Variants in DSCAM observed in about 807,000 individuals in gnomAD.
DSCAM encodes cell adhesion molecule DSCAM.
A neutral mutation model predicts 217.7 loss-of-function variants in DSCAM; 47 were observed. The observed-to-expected ratio is 0.22, with a 90% CI of 0.17 to 0.28. The LOEUF (loss-of-function observed/expected upper bound fraction) is 0.28. Ranked by LOEUF, DSCAM falls within the 10% of genes least tolerant of loss-of-function variation. The probability of loss-of-function intolerance (pLI) is 1.00; values close to 1 mark genes in which losing one functional copy is unlikely to be tolerated. For synonymous variants in DSCAM, 1,056 were observed against 1,015.3 expected, an observed-to-expected ratio of 1.04 and a Z score of -0.76; for missense variants, 2,080 against 2,618.3, an observed-to-expected ratio of 0.79 and a Z score of 4.49.
intron 14 of DSCAM, among the ~76,000 whole-genome samples, chr21:40,185,443 C>T (rs1171882604): frequency 6.6e-6 from 1 of 152,206 alleles, no homozygotes; most frequent in Non-Finnish European, 1.5e-5. Context: ...GAGCCCAGGC[C>T]TGCCACCAGC....
At chr21:40,331,600 G>A (rs2074378612) in intron 8 of DSCAM, among the ~76,000 whole-genome samples, 1 of 152,104 alleles carries the variant, frequency 6.6e-6, no homozygotes, top group Non-Finnish European at 1.5e-5. Flanking sequence ...AGTACACAAA[G>A]TACCACCAAC....
At chr21:40,396,077 C>T (rs2075175939) in intron 3 of DSCAM, among the ~76,000 whole-genome samples, 1 of 152,152 alleles carries the variant, frequency 6.6e-6, no homozygotes, top group South Asian at 2.1e-4. Flanking sequence ...GCTTCTGAAC[C>T]GCCGACAGGG....
intron 25 of DSCAM, among the ~76,000 whole-genome samples, chr21:40,079,949 A>G (rs1238885045): frequency 6.6e-6 from 1 of 152,096 alleles, no homozygotes; most frequent in Non-Finnish European, 1.5e-5. Context: ...TTAACTGCAA[A>G]TGAAACAATA....
Position 40,297,788 on chromosome 21 carries a change from A to T in DSCAM, c.2063-1614T>A, listed in dbSNP as rs547993130. ...TTCTAGCTTTACTTTCTGTAGAATG[A>T]TTTACACATGAAGAAGCACCAGAAA... On this transcript the variant is annotated intron_variant, in intron 9 of 32. Transcript: ENST00000400454. Among the ~76,000 whole-genome samples, 4 of 152,326 alleles carry T rather than the reference A, an allele frequency of 2.6e-5. No individual in the cohort carries two copies. In the South Asian group the frequency reaches 8.3e-4, roughly 32 times the overall value.
intron 3 of DSCAM, among the ~76,000 whole-genome samples, chr21:40,451,825 AT>A (rs961986728): frequency 6.6e-6 from 1 of 152,142 alleles, no homozygotes; most frequent in African/African-American, 2.4e-5. Context: ...TGTGGGAGTT[AT>A]TTATATCCTA....
Position 40,164,853 on chromosome 21 carries a change from G to GATCA in DSCAM, c.3018+2361_3018+2364dup, listed in dbSNP as rs2090577245. ...ATAAAAGTGGAAAGTTGCTTATTTT[G>GATCA]ATCAATAGAGGGTGTCATTACAGAA... On this transcript the variant is annotated intron_variant, in intron 16 of 32. Transcript: ENST00000400454. Among the ~76,000 whole-genome samples, 3 of 152,218 alleles carry GATCA rather than the reference G, an allele frequency of 2.0e-5. No homozygotes were observed. The South Asian group carries it at 6.3e-4, about 32-fold the overall frequency.
At chr21:40,029,426 G>GT (rs924937730) in intron 32 of DSCAM, among the ~76,000 whole-genome samples, 55,805 of 141,458 alleles carry the variant, frequency 0.39, 10,662 homozygotes, top group Middle Eastern at 0.46. Flanking sequence ...ATTTGAGGTT[G>GT]TTTTTTTTTT....
At chr21:40,815,080 G>A (rs1332254708) in intron 1 of DSCAM, among the ~76,000 whole-genome samples, 1 of 152,150 alleles carries the variant, frequency 6.6e-6, no homozygotes, top group African/African-American at 2.4e-5. Flanking sequence ...AGTGATGCAG[G>A]CAGTGACAGC....
Position 40,189,450 on chromosome 21 carries a change from C to T in DSCAM, c.2357-212G>A, listed in dbSNP as rs142233534. The stretch of plus-strand genomic sequence containing the variant: ...GAGCCCTCAGCAGAAATTGCCATGC[C>T]GTTTCATATCCACGGCACGTTGCTC... On this transcript the variant is annotated intron_variant, in intron 11 of 32. Transcript: ENST00000400454. Among the ~76,000 whole-genome samples the T allele has an allele frequency of 2.7e-3, 411 of 152,238 alleles. 1 individual carries two copies. The highest frequency in any genetic ancestry group is 9.3e-3 in the African/African-American group (386 of 41,550).
chr21:40,414,934 C>T (rs995594680), intron 3 of DSCAM, among the ~76,000 whole-genome samples: 2 of 152,088 alleles, frequency 1.3e-5, no homozygotes, highest in African/African-American at 4.8e-5. Context: ...AACCAAGAGA[C>T]AATTTTCTTA....
intron 27 of DSCAM, among the ~76,000 whole-genome samples, chr21:40,064,987 CTTCTTAG>C (rs976510623): frequency 7.9e-5 from 12 of 152,094 alleles, no homozygotes; most frequent in African/African-American, 2.9e-4. Flanking sequence ...TTGTTGAAAG[CTTCTTAG>C]TCCTTAGTCC....
intron 3 of DSCAM, among the ~76,000 whole-genome samples, chr21:40,511,006 A>G (rs2076253450): frequency 6.6e-6 from 1 of 152,246 alleles, no homozygotes; most frequent in Admixed American, 6.5e-5. Context: ...TTTCTTTTAT[A>G]GTTTAAAAAT....
chr21:40,350,864 C>T (rs952309253), intron 5 of DSCAM, among the ~76,000 whole-genome samples: 1 of 121,434 alleles, frequency 8.2e-6, no homozygotes, highest in Admixed American at 9.2e-5. Flanking sequence ...AAGTGTTTAG[C>T]AAATAAGTCA....
intron 3 of DSCAM, among the ~76,000 whole-genome samples, chr21:40,445,919 CAATT>C (rs537805365): frequency 1.3e-5 from 2 of 152,138 alleles, no homozygotes; most frequent in Non-Finnish European, 2.9e-5. Context: ...CAAGGATCTT[CAATT>C]AGTCTAGGAA....
chr21:40,488,498 G>C (rs115741505), intron 3 of DSCAM, among the ~76,000 whole-genome samples: 2,206 of 152,258 alleles, frequency 0.014, 54 homozygotes, highest in African/African-American at 0.051. Flanking sequence ...TGCATTTCAG[G>C]GGGAGAGGTA....
intron 13 of DSCAM, 102 bp from the exon 14 acceptor site, chr21:40,187,361 T>G (rs1050267670): frequency 7.0e-7 from 1 of 1,422,886 alleles, no homozygotes; most frequent in African/African-American, 1.4e-5. Flanking sequence ...TTGTCTGCAT[T>G]AGACAAGAAC....
chr21:40,160,290 G>T (rs1285279719), intron 16 of DSCAM, among the ~76,000 whole-genome samples: 2 of 151,400 alleles, frequency 1.3e-5, no homozygotes, highest in Non-Finnish European at 2.9e-5. Context: ...GTGTAGAGAT[G>T]GGTGTCGTAT....
intron 10 of DSCAM, among the ~76,000 whole-genome samples, chr21:40,291,469 A>T (rs1169200401): frequency 1.3e-5 from 2 of 152,110 alleles, no homozygotes; most frequent in Non-Finnish European, 2.9e-5. Flanking sequence ...GGTCCTTACA[A>T]TGACTGATGG....
intron 3 of DSCAM, among the ~76,000 whole-genome samples, chr21:40,547,873 G>C (rs903604453): frequency 2.0e-5 from 3 of 152,184 alleles, no homozygotes; most frequent in African/African-American, 7.2e-5. Context: ...GGAGCAAGAC[G>C]AAGGCAGGCA....
Sources: gnomAD v4.1 joint callset for allele counts (sites outside exome capture counted in the v4.1 genomes callset) on GRCh38, gnomAD v4.1.1 for gene constraint, MANE v1.5 for transcripts, NCBI Gene and HGNC (gene_info 2026-07-23, HGNC 2026-07-21) for gene names.